FAM193A: variants seen among roughly 807,000 people sequenced by gnomAD.
The protein encoded by FAM193A is protein FAM193A.
Under a neutral mutation model 126.5 loss-of-function variants are expected in FAM193A, and 22 were observed. The ratio of observed to expected loss-of-function variants is 0.17; its 90% confidence interval spans 0.12 to 0.25. The LOEUF (loss-of-function observed/expected upper bound fraction) is 0.25. Ranked by LOEUF, FAM193A falls within the 10% of genes least tolerant of loss-of-function variation. The pLI, the probability that FAM193A is intolerant of heterozygous loss-of-function variation, is 1.00. For synonymous variants in FAM193A, 761 were observed against 646.8 expected (o/e 1.18, Z -2.68); for missense variants, 1,675 against 1,672.8 (o/e 1.00, Z -0.02).
intron 1 of FAM193A, among the ~76,000 whole-genome samples, chr4:2,558,640 TG>T (rs1439494772): frequency 1.3e-5 from 2 of 152,296 alleles, no homozygotes; most frequent in African/African-American, 2.4e-5. Flanking sequence ...CTTAGCCTCC[TG>T]GGTATTTGGG....
intron 13 of FAM193A, among the ~76,000 whole-genome samples, chr4:2,688,621 T>C (rs1439625609): frequency 2.0e-5 from 3 of 152,186 alleles, no homozygotes; most frequent in Non-Finnish European, 4.4e-5. Context: ...TGGGAAGCCA[T>C]TGCTGCATCC....
chr4:2,578,544 T>C (rs893168531), intron 1 of FAM193A, among the ~76,000 whole-genome samples: 7 of 152,064 alleles, frequency 4.6e-5, no homozygotes, highest in African/African-American at 1.4e-4. Flanking sequence ...GTGAGTAGTT[T>C]TCAGTCATTC....
intron 20 of FAM193A, among the ~76,000 whole-genome samples, chr4:2,716,830 C>G (rs1323383424): frequency 1.3e-5 from 2 of 151,998 alleles, no homozygotes; most frequent in Non-Finnish European, 2.9e-5. Context: ...GCGCCCACAA[C>G]CACACCAAGC....
At chr4:2,635,649 C>A (rs2109013482) in intron 5 of FAM193A, among the ~76,000 whole-genome samples, 1 of 152,316 alleles carries the variant, frequency 6.6e-6, no homozygotes, top group South Asian at 2.1e-4. Flanking sequence ...TCTCCTGCCC[C>A]AGCCTCCCAA....
chr4:2,550,865 A>T (rs576539164), intron 1 of FAM193A, among the ~76,000 whole-genome samples: 1 of 150,512 alleles, frequency 6.6e-6, no homozygotes, highest in East Asian at 2.0e-4. Context: ...CAGTGGCGCC[A>T]TCTCGGCTCA....
Position 2,594,804 on chromosome 4 carries a change from TTTTTC to T in FAM193A, c.256-1269_256-1265del, listed in dbSNP as rs1421752705. ...AGTTGTGTGAGACTCAGTTTCTTTC[TTTTTC>T]TTTTCTTTTCCTTTTTTTTTTTTTT... On this transcript the variant is annotated intron_variant, in intron 1 of 20. Transcript: ENST00000637812. Among the ~76,000 whole-genome samples, 124 of 149,058 alleles carry T rather than the reference TTTTTC, an allele frequency of 8.3e-4. No individual in the cohort carries two copies. In the Middle Eastern group the frequency reaches 0.014, roughly 17 times the overall value.
intron 1 of FAM193A, among the ~76,000 whole-genome samples, chr4:2,565,063 T>C (rs1462772247): frequency 6.6e-6 from 1 of 152,008 alleles, no homozygotes; most frequent in East Asian, 1.9e-4. Context: ...CCTCCCAAAG[T>C]ACTGGGGGAG....
chr4:2,719,956 AT>A (rs758113607), intron 20 of FAM193A: 944 of 288,796 alleles, frequency 3.3e-3, no homozygotes, highest in South Asian at 5.8e-3. Context: ...TGCCTGGCTA[AT>A]TTTTTTTTTC....
chr4:2,636,377 A>G (rs556410968), intron 5 of FAM193A, among the ~76,000 whole-genome samples: 2 of 152,160 alleles, frequency 1.3e-5, no homozygotes, highest in Admixed American at 6.5e-5. Flanking sequence ...AGAATATTTT[A>G]ATAGCCTCTT....
intron 13 of FAM193A, among the ~76,000 whole-genome samples, chr4:2,677,503 G>T (rs1043200669): frequency 6.6e-6 from 1 of 151,946 alleles, no homozygotes; most frequent in African/African-American, 2.4e-5. Context: ...CACTTTGGGA[G>T]GCTGAGGCGG....
At chr4:2,660,144 A>ATCATTATTGT in intron 10 of FAM193A, 90 bp downstream of exon 10, 1 of 1,368,574 alleles carries the variant, frequency 7.3e-7, no homozygotes, top group East Asian at 2.3e-5. Flanking sequence ...AAGTATGAAC[A>ATCATTATTGT]TCATTATTGT....
intron 1 of FAM193A, among the ~76,000 whole-genome samples, chr4:2,560,201 C>G (rs1738526485): frequency 6.6e-6 from 1 of 152,152 alleles, no homozygotes; most frequent in Non-Finnish European, 1.5e-5. Context: ...CCTCGGCCTC[C>G]CAAAGTGTTG....
chr4:2,725,531 C>T (rs1262381961), intron 20 of FAM193A, among the ~76,000 whole-genome samples: 5 of 151,248 alleles, frequency 3.3e-5, no homozygotes, highest in African/African-American at 4.9e-5. Flanking sequence ...CTACCCCTTC[C>T]CCCACCTCAA....
At chr4:2,603,138 T>TTG (rs1741308627) in intron 2 of FAM193A, among the ~76,000 whole-genome samples, 3 of 148,516 alleles carry the variant, frequency 2.0e-5, no homozygotes, top group South Asian at 2.1e-4. Flanking sequence ...CTGGCTAATT[T>TTG]TGTGTGTATA....
intron 2 of FAM193A, among the ~76,000 whole-genome samples, chr4:2,603,027 G>A (rs1054398657): frequency 5.9e-5 from 8 of 135,190 alleles, no homozygotes; most frequent in Middle Eastern, 4.2e-3. Flanking sequence ...GGAGTGCAGT[G>A]GCGCCATCTC....
chr4:2,701,072 T>C lies in FAM193A; in HGVS notation c.4372+528T>C, dbSNP rs544348690. On this transcript the variant is annotated intron_variant, in intron 19 of 20. Transcript: ENST00000637812. ...TGCTTCGTTATTCTCTCTCTCCCTC[T>C]CTCTCTTATTTTTCTGGACAGAAGG... 1.4e-4 allele frequency among the ~76,000 whole-genome samples: 22 copies of C among 152,196 alleles called. No individual in the cohort carries two copies. In the South Asian group the frequency reaches 3.5e-3, roughly 24 times the overall value.
rs1430250329 is a variant in FAM193A, at chr4:2,691,286, G to A, written c.2803+316G>A. On this transcript the variant is annotated intron_variant, in intron 15 of 20. Coordinates refer to ENST00000637812, the MANE Select transcript of FAM193A (RefSeq NM_001366318.2). ...GCTGGAGTGCAGCAGTGCAGTCTCA[G>A]CTCATTACAGCCTCTGCCTCTTGGG... Among the ~76,000 whole-genome samples the A allele has an allele frequency of 4.6e-5, 7 of 152,214 alleles. No individual in the cohort carries two copies. The East Asian group carries it at 1.3e-3, about 29-fold the overall frequency.
At chr4:2,676,624 A>T (rs1276406092) in intron 13 of FAM193A, among the ~76,000 whole-genome samples, 1 of 152,112 alleles carries the variant, frequency 6.6e-6, no homozygotes, top group Non-Finnish European at 1.5e-5. Flanking sequence ...TACTCTGTCG[A>T]TAGTGTCTGT....
intron 19 of FAM193A, among the ~76,000 whole-genome samples, chr4:2,707,562 G>C (rs568618102): frequency 4.0e-5 from 6 of 151,802 alleles, no homozygotes; most frequent in Admixed American, 1.3e-4. Context: ...TTTTAATATT[G>C]GTTACATGTT....
Sources: gnomAD v4.1 joint callset for allele counts (sites outside exome capture counted in the v4.1 genomes callset) on GRCh38, gnomAD v4.1.1 for gene constraint, MANE v1.5 for transcripts, NCBI Gene and HGNC (gene_info 2026-07-23, HGNC 2026-07-21) for gene names.